SLIT3: variants seen among roughly 807,000 people sequenced by gnomAD.
SLIT3 encodes slit guidance ligand 3, also known as slit homolog 3 protein.
SLIT3 carries 68 observed loss-of-function variants against 184.0 expected under a neutral mutation model. The ratio of observed to expected loss-of-function variants is 0.37; its 90% CI spans 0.30 to 0.45. The LOEUF is 0.45. Among genes scored for constraint, SLIT3 ranks in the 20% least tolerant of loss-of-function variants. SLIT3 has a pLI of 1.00. For synonymous variants in SLIT3, 831 were observed against 828.6 expected (o/e 1.00, Z -0.05); for missense variants, 1,707 against 2,026.0 (o/e 0.84, Z 3.02).
At chr5:168,885,562 A>T (rs1760165248) in intron 4 of SLIT3, among the ~76,000 whole-genome samples, 1 of 152,198 alleles carries the variant, frequency 6.6e-6, no homozygotes, top group Non-Finnish European at 1.5e-5. Context: ...CAATGAGTCC[A>T]GTCTTTTCTG....
At chr5:168,666,741 C>T in intron 35 of SLIT3, 52 bp from the exon 36 acceptor site, 2 of 1,612,614 alleles carry the variant, frequency 1.2e-6, no homozygotes, top group Non-Finnish European at 1.7e-6. Flanking sequence ...GCCAGCAGGA[C>T]CATGAGCAGT....
At chr5:169,087,096 G>A (rs1435539049) in intron 4 of SLIT3, among the ~76,000 whole-genome samples, 1 of 152,202 alleles carries the variant, frequency 6.6e-6, no homozygotes, top group Non-Finnish European at 1.5e-5. Context: ...TTGACATCTT[G>A]CACCCTCCCG....
intron 23 of SLIT3, among the ~76,000 whole-genome samples, chr5:168,721,162 C>T (rs761870449): frequency 8.6e-4 from 130 of 151,984 alleles, no homozygotes; most frequent in Non-Finnish European, 1.4e-3. Context: ...GGTTTGGGGG[C>T]GGAGTATCTG....
At chr5:168,711,387 C>G (rs758704317) in intron 24 of SLIT3, among the ~76,000 whole-genome samples, 4 of 152,090 alleles carry the variant, frequency 2.6e-5, no homozygotes, top group Non-Finnish European at 5.9e-5. Context: ...ATCTGGTTCC[C>G]TTGCCCTGTT....
chr5:168,696,531 T>G (rs1762070839), intron 27 of SLIT3, 100 bp from the exon 28 acceptor site: 1 of 1,418,942 alleles, frequency 7.0e-7, no homozygotes, highest in Admixed American at 1.8e-5. Flanking sequence ...ATACAATTAG[T>G]TTTTCCTCCA....
At chr5:168,813,008 G>A (rs1757212745) in intron 8 of SLIT3, among the ~76,000 whole-genome samples, 1 of 152,066 alleles carries the variant, frequency 6.6e-6, no homozygotes, top group Non-Finnish European at 1.5e-5. Flanking sequence ...CTTTGTTCTA[G>A]GCATTTGGGG....
In SLIT3 at chr5:169,111,043, A is replaced by G. The variant is rs141616332; in HGVS notation, c.413+82436T>C. Among the ~76,000 whole-genome samples, 669 of 152,252 alleles carry G rather than the reference A, an allele frequency of 4.4e-3. 6 individuals are homozygous for G. Among genetic ancestry groups the G allele is most frequent in the African/African-American group, 0.015 (635 of 41,542 alleles). On this transcript the variant is annotated intron_variant, in intron 4 of 35. Transcript: ENST00000519560. ...CGGCCTTACTGACTTTCAGTTTTTC[A>G]AACTGCCCGTGCATCCTTCCTCGCA...
intron 22 of SLIT3, among the ~76,000 whole-genome samples, chr5:168,722,702 A>G (rs1762982138): frequency 6.6e-6 from 1 of 152,236 alleles, no homozygotes; most frequent in Non-Finnish European, 1.5e-5. Context: ...TATTCCTAAG[A>G]CAGCCTTCTT....
chr5:168,987,161 C>A lies in SLIT3; in HGVS notation c.414-103825G>T, dbSNP rs535921743. Among the ~76,000 whole-genome samples, 4 of 152,330 alleles carry A rather than the reference C, an allele frequency of 2.6e-5. No individual in the cohort carries two copies. In the South Asian group the frequency reaches 8.3e-4, roughly 32 times the overall value. ...ATTCCTATCCATCCTTCAACAGCTA[C>A]TTCAAATCCCACCTTCCCCTTAACC... On this transcript the variant is annotated intron_variant, in intron 4 of 35. Transcript: ENST00000519560.
chr5:168,733,977 A>C (rs1763360479), intron 20 of SLIT3, among the ~76,000 whole-genome samples: 1 of 152,144 alleles, frequency 6.6e-6, no homozygotes, highest in Non-Finnish European at 1.5e-5. Context: ...GAGTGGGAGC[A>C]TGACAATGGG....
chr5:168,887,417 G>A (rs1760260720), intron 4 of SLIT3, among the ~76,000 whole-genome samples: 1 of 152,174 alleles, frequency 6.6e-6, no homozygotes, highest in South Asian at 2.1e-4. Flanking sequence ...TTTCTGAAGT[G>A]GGTGGGGCTA....
chr5:169,053,218 TGAAG>T (rs1401723366), intron 4 of SLIT3, among the ~76,000 whole-genome samples: 1 of 152,246 alleles, frequency 6.6e-6, no homozygotes, highest in African/African-American at 2.4e-5. Flanking sequence ...CCAGAATGAA[TGAAG>T]GGTCAATAGA....
At chr5:168,670,910 CAG>C (rs921742576) in intron 34 of SLIT3, among the ~76,000 whole-genome samples, 1 of 152,164 alleles carries the variant, frequency 6.6e-6, no homozygotes, top group African/African-American at 2.4e-5. Flanking sequence ...TTAATTCCCA[CAG>C]AGACAGTGGG....
intron 4 of SLIT3, among the ~76,000 whole-genome samples, chr5:169,089,856 G>A (rs1405902696): frequency 6.6e-6 from 1 of 152,212 alleles, no homozygotes; most frequent in Non-Finnish European, 1.5e-5. Context: ...AGAGGTAGGG[G>A]CTGTGTGTGT....
chr5:168,966,040 C>A (rs546904638), intron 4 of SLIT3, among the ~76,000 whole-genome samples: 1 of 152,254 alleles, frequency 6.6e-6, no homozygotes, highest in East Asian at 1.9e-4. Context: ...GCAGAAGTGC[C>A]TGAAGAGATG....
intron 35 of SLIT3, among the ~76,000 whole-genome samples, chr5:168,667,953 C>T (rs150383933): frequency 1.3e-5 from 2 of 152,224 alleles, no homozygotes; most frequent in East Asian, 1.9e-4. Flanking sequence ...ACTGTCCTGA[C>T]AGTTTTTCTG....
intron 4 of SLIT3, among the ~76,000 whole-genome samples, chr5:168,966,093 C>T (rs143065257): frequency 3.4e-4 from 52 of 152,180 alleles, no homozygotes; most frequent in South Asian, 1.7e-3. Context: ...TATTACCTTC[C>T]GGGAAAAAAT....
intron 4 of SLIT3, among the ~76,000 whole-genome samples, chr5:168,921,165 C>T (rs1424299197): frequency 6.6e-6 from 1 of 152,180 alleles, no homozygotes; most frequent in African/African-American, 2.4e-5. Context: ...TCCAACAGGA[C>T]ACTTCTCCAC....
intron 1 of SLIT3, among the ~76,000 whole-genome samples, chr5:169,258,408 A>G (rs573797334): frequency 6.6e-6 from 1 of 152,342 alleles, no homozygotes; most frequent in South Asian, 2.1e-4. Context: ...CAGCTAACAG[A>G]GCACATTTCC....
Sources: allele counts gnomAD v4.1 joint callset (sites outside exome capture counted in the v4.1 genomes callset), GRCh38; gene constraint gnomAD v4.1.1; transcripts MANE v1.5; gene names NCBI Gene and HGNC (gene_info 2026-07-23, HGNC 2026-07-21).